Variants in PTCH1 observed in about 807,000 individuals in gnomAD.
PTCH1 encodes protein patched homolog 1.
In PTCH1, 14 loss-of-function variants were observed where a neutral mutation model predicts 144.6. The ratio of observed to expected loss-of-function variants is 0.10; its 90% CI spans 0.06 to 0.15. PTCH1 has a LOEUF of 0.15. PTCH1 is among the 10% of genes least tolerant of loss of function. The probability of loss-of-function intolerance (pLI) is 1.00; values close to 1 mark genes in which losing one functional copy is unlikely to be tolerated. For missense variants in PTCH1, 1,623 were observed against 1,948.3 expected, an observed-to-expected ratio of 0.83 and a Z score of 3.14; for synonymous variants, 833 against 793.6, an observed-to-expected ratio of 1.05 and a Z score of -0.83.
chr9:95,515,908 T>C (rs918962709), intron 1 of PTCH1, among the ~76,000 whole-genome samples: 1 of 152,058 alleles, frequency 6.6e-6, no homozygotes, highest in Non-Finnish European at 1.5e-5. Flanking sequence ...AGAGCGGGTC[T>C]GCGGGGCGCG....
intron 1 of PTCH1, chr9:95,507,074 C>T (rs867753277): frequency 1.0e-6 from 1 of 986,380 alleles, no homozygotes; most frequent in Non-Finnish European, 1.2e-6. Context: ...CAACATATTG[C>T]GGGTTCCCCC....
chr9:95,485,511 G>A (rs928888783), intron 3 of PTCH1, among the ~76,000 whole-genome samples, 174 bp downstream of exon 3: 9 of 152,078 alleles, frequency 5.9e-5, no homozygotes, highest in East Asian at 1.9e-4. Flanking sequence ...TACCAAACTC[G>A]AGAAACGATA....
chr9:95,469,758 T>C lies in PTCH1; in HGVS notation c.1847+55A>G, dbSNP rs1442664086. The C allele has an allele frequency of 2.0e-6, 3 of 1,481,638 alleles. No individual in the cohort carries two copies. The African/African-American group carries it at 4.2e-5, about 21-fold the overall frequency. 91.8% of individuals were successfully genotyped at this position (1,481,638 alleles called of 1,614,324 possible). ...ATAAGTCCACAGGCTGAAAGAGTTCTCTCACAGCACCATTCTGCACCCAAT... is the reference window on the plus strand; with the variant it reads ...ATAAGTCCACAGGCTGAAAGAGTTCCCTCACAGCACCATTCTGCACCCAAT... On this transcript the variant is annotated intron_variant, in intron 13 of 23. Coordinates refer to ENST00000331920, the MANE Select transcript of PTCH1 (RefSeq NM_000264.5).
In PTCH1 at chr9:95,491,310, A is replaced by T. The variant is rs1251914479; in HGVS notation, c.395-5436T>A. Among the ~76,000 whole-genome samples the T allele has an allele frequency of 3.3e-5, 5 of 152,230 alleles. No individual in the cohort carries two copies. In the East Asian group the frequency reaches 9.6e-4, roughly 29 times the overall value. ...GAAACCGGAAGACCCCAGCATTGCC[A>T]CTAGTGGCAGAGAGATCTAGGACAA... is the stretch of plus-strand genomic sequence containing the variant. On this transcript the variant is annotated intron_variant, in intron 2 of 23. Transcript: ENST00000331920.
At chr9:95,516,573 C>T (rs764593829) in exon 1 of PTCH1, 1 of 1,567,526 alleles carries the variant, frequency 6.4e-7, no homozygotes, top group South Asian at 1.2e-5. Flanking sequence ...CCCCTTTCCT[C>T]GTCCTCCGCT....
Position 95,453,543 on chromosome 9 carries a change from A to G in PTCH1, c.3384T>C (p.Asp1128=), listed in dbSNP as rs759078294. The part of the protein sequence containing the change: ...ALEHMFAPVL[D]GAVSTLLGVL... ...CTCCCAGCAGAGTGGACACGGCGCC[A>G]TCCAGGACGGGTGCAAACATGTGCT... is the stretch of plus-strand genomic sequence containing the variant. Residue 1128 remains aspartate, a synonymous_variant, in exon 20 of 24, where the codon GAT becomes GAC. Coordinates refer to ENST00000331920, the MANE Select transcript of PTCH1 (RefSeq NM_000264.5). 1 of 1,614,172 alleles carries G rather than the reference A, an allele frequency of 6.2e-7. No individual in the cohort carries two copies. The highest frequency in any genetic ancestry group is 8.5e-7 in the Non-Finnish European group (1 of 1,180,044).
In PTCH1 at chr9:95,478,104, G is replaced by C. The variant is rs778455544; in HGVS notation, c.1298C>G (p.Ser433Cys). 6.2e-7 allele frequency: 1 copy of C among 1,614,204 alleles called. No homozygotes were observed. Among genetic ancestry groups the C allele is most frequent in the Non-Finnish European group, 8.5e-7 (1 of 1,180,038 alleles). The change falls in exon 9 of 24, where the codon TCC becomes TGC. Residue 433 changes from serine (S) to cysteine (C), a missense_variant. By Grantham distance (112) the Ser-to-Cys change is moderately radical (BLOSUM62 -1). This residue lies in a region of PTCH1 where 230 missense variants were observed against 271.0 expected (regional missense o/e 0.85). Transcript: ENST00000331920. ...GCGGATGACACTGACGTCAGAGAAG[G>C]ATTTCAGGATGTCGTCCAGGGTCGT... ...TTTTLDDILKSFSDVSVIRVA... is the reference protein window; with the variant it reads ...TTTTLDDILKCFSDVSVIRVA...
chr9:95,494,491 AGGC>A (rs1290603520), intron 2 of PTCH1: 6 of 966,834 alleles, frequency 6.2e-6, no homozygotes, highest in Admixed American at 6.2e-5. Flanking sequence ...TGCAGAGCAC[AGGC>A]GGAAATGTCT....
intron 1 of PTCH1, chr9:95,507,540 A>T: frequency 1.4e-6 from 1 of 713,334 alleles, no homozygotes; most frequent in Non-Finnish European, 1.7e-6. Flanking sequence ...CCAGGCCCTA[A>T]GGAGAGGCGG....
rs1344773347 is a variant in PTCH1, at chr9:95,443,595, TA to T, written c.*2797del. On this transcript the variant is annotated 3_prime_UTR_variant, in exon 24 of 24. Coordinates refer to ENST00000331920, the MANE Select transcript of PTCH1 (RefSeq NM_000264.5). ...AATATCCACTCTGCTCTGACTCTCT[TA>T]ACACTGTTAAACATTTTCTTTCCTT... The T allele has an allele frequency of 6.6e-6, 1 of 152,546 alleles. No homozygotes were observed. The highest frequency in any genetic ancestry group is 1.5e-5 in the Non-Finnish European group (1 of 68,032). 9.4% of individuals were successfully genotyped at this position (152,546 alleles called of 1,614,324 possible).
At chr9:95,462,205 G>A in intron 15 of PTCH1, among the ~76,000 whole-genome samples, 1 of 152,186 alleles carries the variant, frequency 6.6e-6, no homozygotes, top group South Asian at 2.1e-4. Flanking sequence ...TGCTCAAAAG[G>A]GGGGAAGGAG....
At chr9:95,492,102 C>T (rs1842446399) in intron 2 of PTCH1, among the ~76,000 whole-genome samples, 1 of 152,178 alleles carries the variant, frequency 6.6e-6, no homozygotes, top group South Asian at 2.1e-4. Flanking sequence ...CCTACACAAC[C>T]CACTCCCTGA....
At chr9:95,480,309 A>G in intron 6 of PTCH1, 81 bp downstream of exon 6, 1 of 1,561,244 alleles carries the variant, frequency 6.4e-7, no homozygotes, top group Non-Finnish European at 8.8e-7. Context: ...TAAAAATGAA[A>G]ATAATAAAGT....
chr9:95,475,582 T>C (rs1840959052), intron 12 of PTCH1, among the ~76,000 whole-genome samples: 1 of 151,722 alleles, frequency 6.6e-6, no homozygotes, highest in East Asian at 1.9e-4. Flanking sequence ...CTGTCTTGGG[T>C]TGGGGGTGCT....
intron 2 of PTCH1, among the ~76,000 whole-genome samples, chr9:95,492,162 G>A (rs951448775): frequency 5.9e-5 from 9 of 152,158 alleles, no homozygotes; most frequent in African/African-American, 2.2e-4. Flanking sequence ...ATAAAACATG[G>A]TGTACAGTAA....
intron 2 of PTCH1, among the ~76,000 whole-genome samples, chr9:95,505,367 A>G (rs1384006181): frequency 6.6e-6 from 1 of 152,224 alleles, no homozygotes; most frequent in Non-Finnish European, 1.5e-5. Context: ...AGGGATGCCC[A>G]AAGTGGTGTT....
chr9:95,461,841 C>T lies in PTCH1; in HGVS notation c.2703+15G>A, dbSNP rs1393519691. The T allele has an allele frequency of 1.2e-6, 2 of 1,613,906 alleles. No homozygotes were observed. Among genetic ancestry groups the T allele is most frequent in the Admixed American group, 1.7e-5 (1 of 60,004 alleles). ...CAGCCCTGGAAGCGCCCTCAGTGCC[C>T]AGCAGCTGGAGTACCTGGCTGATGT... On this transcript the variant is annotated intron_variant, in intron 16 of 23. Transcript: ENST00000331920.
At chr9:95,507,086 A>G in intron 1 of PTCH1, 5 of 985,986 alleles carry the variant, frequency 5.1e-6, no homozygotes, top group Non-Finnish European at 4.8e-6. Context: ...GGTTCCCCCA[A>G]CTGGACCCCC....
chr9:95,453,426 G>A (rs1202688019), intron 20 of PTCH1, 52 bp downstream of exon 20: 23 of 1,610,530 alleles, frequency 1.4e-5, no homozygotes, highest in East Asian at 6.7e-5. Flanking sequence ...CACTGCACCC[G>A]GCCCAATCAC....
Sources: allele counts gnomAD v4.1 joint callset (sites outside exome capture counted in the v4.1 genomes callset), GRCh38; gene constraint gnomAD v4.1.1; regional missense constraint gnomAD v4.1.1; transcripts MANE v1.5; gene names NCBI Gene and HGNC (gene_info 2026-07-23, HGNC 2026-07-21).